The following KLF12 variants were observed in gnomAD, a reference collection of about 807,000 sequenced individuals.
The protein encoded by KLF12 is KLF transcription factor 12.
Under a neutral mutation model 37.8 loss-of-function variants are expected in KLF12, and 9 were observed. The ratio of observed to expected loss-of-function variants is 0.24; its 90% CI spans 0.14 to 0.42. The LOEUF is 0.42. Among genes scored for constraint, KLF12 ranks in the 10% least tolerant of loss-of-function variants. The pLI is 1.00. For synonymous variants in KLF12, 208 were observed against 202.1 expected (o/e 1.03, Z -0.25); for missense variants, 411 against 516.0 (o/e 0.80, Z 1.97).
chr13:74,222,658 G>A, the KLF12 span, among the ~76,000 whole-genome samples: 1 of 152,236 alleles, frequency 6.6e-6, no homozygotes, highest in East Asian at 1.9e-4. Flanking sequence ...TTAATTATAA[G>A]TGCATTACGT....
intron 1 of KLF12, among the ~76,000 whole-genome samples, chr13:74,124,899 T>G (rs941063585): frequency 1.3e-5 from 2 of 152,106 alleles, no homozygotes; most frequent in Admixed American, 1.3e-4. Flanking sequence ...CCCACACCTG[T>G]AACCCCAGCA....
At chr13:73,904,858 G>C (rs945072836) in intron 3 of KLF12, among the ~76,000 whole-genome samples, 2 of 151,764 alleles carry the variant, frequency 1.3e-5, no homozygotes, top group East Asian at 3.9e-4. Context: ...TTCAAACAGA[G>C]GAAAGTAGCA....
intron 1 of KLF12, among the ~76,000 whole-genome samples, chr13:74,056,648 CCCA>C (rs1461952189): frequency 6.6e-6 from 1 of 152,168 alleles, no homozygotes; most frequent in Admixed American, 6.5e-5. Context: ...AATTGTGTTA[CCCA>C]TCTATATTGT....
At chr13:74,184,634 C>A in the KLF12 span, among the ~76,000 whole-genome samples, 1 of 152,012 alleles carries the variant, frequency 6.6e-6, no homozygotes, top group African/African-American at 2.4e-5. Flanking sequence ...TTGGATAAAC[C>A]GTAATTATGG....
chr13:74,268,224 A>G, the KLF12 span, among the ~76,000 whole-genome samples: 1 of 152,184 alleles, frequency 6.6e-6, no homozygotes, highest in Non-Finnish European at 1.5e-5. Context: ...CAGTAGAATT[A>G]TTAGTCCATT....
chr13:73,978,056 G>A (rs1287707042), intron 2 of KLF12, among the ~76,000 whole-genome samples: 1 of 152,128 alleles, frequency 6.6e-6, no homozygotes, highest in South Asian at 2.1e-4. Context: ...ATGATCCTCA[G>A]TTCAAAGATG....
intron 1 of KLF12, among the ~76,000 whole-genome samples, chr13:74,075,372 G>A (rs533047896): frequency 6.6e-6 from 1 of 152,260 alleles, no homozygotes; most frequent in African/African-American, 2.4e-5. Context: ...AAATCTGATA[G>A]CAAGAATGTA....
intron 5 of KLF12, among the ~76,000 whole-genome samples, chr13:73,780,605 G>C (rs1880906407): frequency 6.6e-6 from 1 of 152,086 alleles, no homozygotes; most frequent in Non-Finnish European, 1.5e-5. Flanking sequence ...TCAGCCTCTG[G>C]CATGTGCCAC....
At chr13:73,779,748 A>T (rs1880844298) in intron 5 of KLF12, among the ~76,000 whole-genome samples, 1 of 152,208 alleles carries the variant, frequency 6.6e-6, no homozygotes, top group Non-Finnish European at 1.5e-5. Flanking sequence ...TGAGGGACAG[A>T]GCCCTTGAGC....
chr13:74,064,357 G>A (rs1873783980), intron 1 of KLF12, among the ~76,000 whole-genome samples: 1 of 152,106 alleles, frequency 6.6e-6, no homozygotes, highest in African/African-American at 2.4e-5. Context: ...TATTACATAT[G>A]ATTTTCTACA....
the KLF12 span, among the ~76,000 whole-genome samples, chr13:74,245,076 T>G: frequency 6.6e-6 from 1 of 152,196 alleles, no homozygotes; most frequent in South Asian, 2.1e-4. Flanking sequence ...AATCAGCAGG[T>G]CAGAGTACCA....
chr13:73,730,456 T>C (rs568609819), intron 6 of KLF12, among the ~76,000 whole-genome samples: 1 of 152,160 alleles, frequency 6.6e-6, no homozygotes, highest in Non-Finnish European at 1.5e-5. Flanking sequence ...GAGGGCACGT[T>C]TTCCACACCA....
chr13:74,169,986 A>AT, the KLF12 span, among the ~76,000 whole-genome samples: 22,507 of 151,470 alleles, frequency 0.15, 2,221 homozygotes, highest in Non-Finnish European at 0.22. Context: ...AAATATTGCC[A>AT]TTTTTTTTTC....
At chr13:74,272,611 C>T in the KLF12 span, among the ~76,000 whole-genome samples, 41 of 151,976 alleles carry the variant, frequency 2.7e-4, no homozygotes, top group Middle Eastern at 3.4e-3. Context: ...GGGACTAGGC[C>T]GAATGCTATG....
At chr13:73,905,188 C>T (rs573511237) in intron 3 of KLF12, among the ~76,000 whole-genome samples, 1 of 152,156 alleles carries the variant, frequency 6.6e-6, no homozygotes, top group South Asian at 2.1e-4. Context: ...TGATTTTTCC[C>T]CTTTAGAAGG....
At chr13:73,919,411 T>C (rs1246951887) in intron 3 of KLF12, among the ~76,000 whole-genome samples, 1 of 152,218 alleles carries the variant, frequency 6.6e-6, no homozygotes, top group Non-Finnish European at 1.5e-5. Flanking sequence ...AGAGACAACC[T>C]GGATTTTCTC....
At chr13:73,971,247 C>A (rs1194211308) in intron 2 of KLF12, among the ~76,000 whole-genome samples, 1 of 152,088 alleles carries the variant, frequency 6.6e-6, no homozygotes, top group African/African-American at 2.4e-5. Flanking sequence ...CAATTGCAAA[C>A]ACATTTAAGG....
chr13:74,252,362 C>T, the KLF12 span, among the ~76,000 whole-genome samples: 1 of 152,148 alleles, frequency 6.6e-6, no homozygotes, highest in African/African-American at 2.4e-5. Flanking sequence ...AACTCTTGAC[C>T]CCAGGCTTTG....
At chr13:73,734,193 G>A (rs976936207) in intron 6 of KLF12, among the ~76,000 whole-genome samples, 4 of 152,090 alleles carry the variant, frequency 2.6e-5, no homozygotes, top group Admixed American at 6.5e-5. Context: ...CACATCTTTA[G>A]ATGTCACATC....
Sources: allele counts gnomAD v4.1 joint callset (sites outside exome capture counted in the v4.1 genomes callset), GRCh38; gene constraint gnomAD v4.1.1; transcripts MANE v1.5; gene names NCBI Gene and HGNC (gene_info 2026-07-23, HGNC 2026-07-21).